LRRC66: variants seen among roughly 807,000 people sequenced by gnomAD.
LRRC66 encodes the protein leucine-rich repeat-containing protein 66.
Under a neutral mutation model 24.6 loss-of-function variants are expected in LRRC66, and 29 were observed. The observed-to-expected ratio is 1.18, with a 90% CI of 0.88 to 1.61. LRRC66 has a LOEUF of 1.61. Among genes scored for constraint, LRRC66 ranks in the 40% most tolerant of loss-of-function variants. LRRC66 has a pLI of 0.00. For synonymous variants in LRRC66, 411 were observed against 397.6 expected (o/e 1.03, Z -0.40); for missense variants, 1,124 against 1,058.0 (o/e 1.06, Z -0.87).
At chr4:52,005,166 T>C (rs1024629259) in intron 2 of LRRC66, among the ~76,000 whole-genome samples, 1 of 152,222 alleles carries the variant, frequency 6.6e-6, no homozygotes, top group South Asian at 2.1e-4. Flanking sequence ...AAAATCATTG[T>C]ACTGACATTA....
At chr4:51,997,371 A>T (rs1489325226) in intron 4 of LRRC66, among the ~76,000 whole-genome samples, 1 of 152,256 alleles carries the variant, frequency 6.6e-6, no homozygotes, top group Non-Finnish European at 1.5e-5. Flanking sequence ...GAATTTGGAT[A>T]AAACTGTGAC....
chr4:51,996,837 A>G (rs1736333371), intron 4 of LRRC66, among the ~76,000 whole-genome samples: 1 of 152,204 alleles, frequency 6.6e-6, no homozygotes. Flanking sequence ...AGCCACATGT[A>G]CATGGCTTCT....
At chr4:52,010,194 A>C (rs529698611) in intron 2 of LRRC66, among the ~76,000 whole-genome samples, 1 of 152,330 alleles carries the variant, frequency 6.6e-6, no homozygotes, top group South Asian at 2.1e-4. Flanking sequence ...TATTTTTAAT[A>C]GCCAAAAAGA....
chr4:52,008,003 A>T (rs1736624340), intron 2 of LRRC66, among the ~76,000 whole-genome samples: 1 of 152,054 alleles, frequency 6.6e-6, no homozygotes, highest in Non-Finnish European at 1.5e-5. Flanking sequence ...TTATAGAATC[A>T]AAGTTGTTTA....
intron 4 of LRRC66, among the ~76,000 whole-genome samples, 173 bp from the exon 5 acceptor site, chr4:51,996,338 C>T (rs190259473): frequency 2.0e-4 from 31 of 152,266 alleles, no homozygotes; most frequent in African/African-American, 7.5e-4. Flanking sequence ...CCTCAGACTC[C>T]TGGGCTCAAG....
intron 2 of LRRC66, among the ~76,000 whole-genome samples, chr4:52,009,271 C>G (rs1560560952): frequency 6.6e-6 from 1 of 152,094 alleles, no homozygotes. Flanking sequence ...AATTTATTAT[C>G]AAGTTGCACT....
rs1171896628 is a variant in LRRC66 at position 51,995,890 on chromosome 4, C to A, written c.1132G>T (p.Ala378Ser). 1 of 1,613,998 alleles carries A rather than the reference C, an allele frequency of 6.2e-7. No individual in the cohort carries two copies. Among genetic ancestry groups the A allele is most frequent in the African/African-American group, 1.3e-5 (1 of 74,910 alleles). ...KEDAPQDLAL[A>S]VCLSVFITFL... ...GTGATGAACACTGACAGGCACACCGCCAGAGCCAGGTCCTGGGGAGCGTCC... is the reference window on the plus strand; with the variant it reads ...GTGATGAACACTGACAGGCACACCGACAGAGCCAGGTCCTGGGGAGCGTCC... The change falls in exon 5 of 5, where the codon GCG (alanine) becomes TCG (serine). Residue 378 changes from alanine to serine, a missense_variant. Coordinates refer to ENST00000682860, the MANE Select transcript of LRRC66 (RefSeq NM_001024611.3).
At chr4:52,009,806 C>T (rs914375224) in intron 2 of LRRC66, among the ~76,000 whole-genome samples, 7 of 152,056 alleles carry the variant, frequency 4.6e-5, no homozygotes, top group Non-Finnish European at 1.5e-5. Flanking sequence ...TTCCAGAAGA[C>T]GGAAGAGGAA....
At chr4:52,018,435 G>A in intron 1 of LRRC66, 1 of 985,360 alleles carries the variant, frequency 1.0e-6, no homozygotes. Context: ...AAAAGCCACT[G>A]TGTGTACAAA....
chr4:52,012,944 G>C (rs1736732890), intron 2 of LRRC66, among the ~76,000 whole-genome samples: 1 of 152,148 alleles, frequency 6.6e-6, no homozygotes, highest in African/African-American at 2.4e-5. Flanking sequence ...TCCCAAGTGT[G>C]ATAACCTGAT....
intron 2 of LRRC66, among the ~76,000 whole-genome samples, chr4:52,015,421 C>T (rs557893928): frequency 2.9e-4 from 44 of 152,146 alleles, no homozygotes; most frequent in African/African-American, 9.9e-4. Context: ...GCTCACCCCT[C>T]GATGCCTTGT....
At chr4:51,996,614 A>G (rs1044970656) in intron 4 of LRRC66, among the ~76,000 whole-genome samples, 1 of 152,130 alleles carries the variant, frequency 6.6e-6, no homozygotes, top group African/African-American at 2.4e-5. Context: ...ATCTAGCTAT[A>G]TGTTAAAGGG....
intron 1 of LRRC66, among the ~76,000 whole-genome samples, chr4:52,019,983 T>C (rs1017730458): frequency 1.3e-5 from 2 of 152,094 alleles, no homozygotes; most frequent in African/African-American, 4.8e-5. Flanking sequence ...TAAATTTATA[T>C]GTATTAGGTA....
At chr4:52,018,201 A>G in intron 1 of LRRC66, 2 of 985,410 alleles carry the variant, frequency 2.0e-6, no homozygotes, top group Non-Finnish European at 2.4e-6. Flanking sequence ...GAAATCATTT[A>G]GATACATACA....
At chr4:52,012,230 G>A (rs1007068629) in intron 2 of LRRC66, among the ~76,000 whole-genome samples, 3 of 151,784 alleles carry the variant, frequency 2.0e-5, no homozygotes, top group South Asian at 2.1e-4. Context: ...AGTGGGACCC[G>A]AACATACCCA....
chr4:51,995,192 T>A lies in LRRC66; in HGVS notation c.1830A>T (p.Glu610Asp). Residue 610 changes from glutamate to aspartate, a missense_variant, in exon 5 of 5, where the codon GAA (glutamate) becomes GAT (aspartate). Coordinates refer to ENST00000682860, the MANE Select transcript of LRRC66 (RefSeq NM_001024611.3). ...CCATCTGCGAGTCCCAAAGTGACTG[T>A]TCAGTGCCCCCTCTTTCCTTACTAT... ...TGDSKERGGT[E>D]QSLWDSQMEF... 1 of 1,614,214 alleles carries A rather than the reference T, an allele frequency of 6.2e-7. No individual in the cohort carries two copies. Among genetic ancestry groups the A allele is most frequent in the Non-Finnish European group, 8.5e-7 (1 of 1,180,038 alleles).
At chr4:52,002,178 T>C (rs1256368418) in intron 3 of LRRC66, among the ~76,000 whole-genome samples, 2 of 152,248 alleles carry the variant, frequency 1.3e-5, no homozygotes, top group East Asian at 1.9e-4. Flanking sequence ...AATTTCTATA[T>C]TGATGATGTG....
intron 4 of LRRC66, among the ~76,000 whole-genome samples, chr4:51,996,930 C>G (rs1390940709): frequency 6.6e-6 from 1 of 152,198 alleles, no homozygotes; most frequent in Admixed American, 6.5e-5. Context: ...TTACATTTTG[C>G]TCTCTACCCT....
At chr4:52,011,334 T>C (rs908315863) in intron 2 of LRRC66, among the ~76,000 whole-genome samples, 1 of 152,214 alleles carries the variant, frequency 6.6e-6, no homozygotes, top group East Asian at 1.9e-4. Flanking sequence ...GCCTTCTTAG[T>C]TGAGTATCTT....
Sources: allele counts gnomAD v4.1 joint callset (sites outside exome capture counted in the v4.1 genomes callset), GRCh38; gene constraint gnomAD v4.1.1; transcripts MANE v1.5; gene names NCBI Gene and HGNC (gene_info 2026-07-23, HGNC 2026-07-21).